Variants in CCSER2 observed in about 807,000 individuals in gnomAD.
CCSER2 encodes the protein serine-rich coiled-coil domain-containing protein 2.
Under a neutral mutation model 92.3 loss-of-function variants are expected in CCSER2, and 46 were observed. The ratio of observed to expected loss-of-function variants is 0.50; its 90% CI spans 0.39 to 0.64. CCSER2 has a LOEUF of 0.64. Among genes scored for constraint, CCSER2 ranks in the 30% least tolerant of loss-of-function variants. CCSER2 has a pLI of 0.00. For synonymous variants in CCSER2, 433 were observed against 431.4 expected (o/e 1.00, Z -0.04); for missense variants, 1,244 against 1,238.9 (o/e 1.00, Z -0.06).
At chr10:84,395,503 C>G (rs995458310) in intron 3 of CCSER2, among the ~76,000 whole-genome samples, 2 of 152,040 alleles carry the variant, frequency 1.3e-5, no homozygotes, top group Non-Finnish European at 2.9e-5. Flanking sequence ...TTTATTGTCC[C>G]GTGGTGATTA....
chr10:84,483,684 A>G (rs1403153629), intron 9 of CCSER2, among the ~76,000 whole-genome samples: 1 of 151,768 alleles, frequency 6.6e-6, no homozygotes, highest in African/African-American at 2.4e-5. Context: ...CTTATGAATA[A>G]TCTCCCCCAA....
At chr10:84,474,737 A>G (rs907879489) in intron 8 of CCSER2, among the ~76,000 whole-genome samples, 9 of 152,048 alleles carry the variant, frequency 5.9e-5, no homozygotes, top group Admixed American at 2.6e-4. Context: ...ATAGAACTAC[A>G]TAGTAAACTA....
intron 3 of CCSER2, among the ~76,000 whole-genome samples, chr10:84,405,958 A>C (rs6585857): frequency 2.0e-5 from 3 of 152,124 alleles, no homozygotes; most frequent in African/African-American, 7.3e-5. Context: ...TTACCATAGA[A>C]AAATGAGAGC....
chr10:84,377,435 G>A (rs998187084), intron 3 of CCSER2, among the ~76,000 whole-genome samples: 12 of 152,084 alleles, frequency 7.9e-5, no homozygotes, highest in Non-Finnish European at 7.4e-5. Context: ...GTACTTCAGG[G>A]TCATCTTTGT....
chr10:84,416,986 C>CT (rs1298732065), intron 3 of CCSER2, among the ~76,000 whole-genome samples: 14 of 152,236 alleles, frequency 9.2e-5, no homozygotes, highest in African/African-American at 3.4e-4. Context: ...GTTTGTTGGA[C>CT]TTTTGATCTT....
intron 3 of CCSER2, among the ~76,000 whole-genome samples, chr10:84,378,646 G>T (rs973435270): frequency 6.6e-6 from 1 of 152,052 alleles, no homozygotes; most frequent in Admixed American, 6.5e-5. Flanking sequence ...TGTTGGCCAG[G>T]CTGGTCTCGA....
At chr10:84,337,933 A>G (rs1035034842) in intron 1 of CCSER2, among the ~76,000 whole-genome samples, 3 of 152,312 alleles carry the variant, frequency 2.0e-5, no homozygotes, top group Middle Eastern at 3.4e-3. Context: ...GTGAACACTG[A>G]GTAGTTACCC....
chr10:84,356,745 C>T (rs1845194741), intron 1 of CCSER2, among the ~76,000 whole-genome samples: 1 of 152,102 alleles, frequency 6.6e-6, no homozygotes, highest in Admixed American at 6.5e-5. Flanking sequence ...GCATTAGTAC[C>T]TGTTTTACTT....
rs765789843 is a variant in CCSER2, at chr10:84,372,326, A to G, written c.1274A>G (p.Asn425Ser). The G allele has an allele frequency of 1.6e-5, 25 of 1,612,360 alleles. No homozygotes were observed. The highest frequency in any genetic ancestry group is 1.3e-4 in the East Asian group (6 of 44,856). Residue 425 changes from asparagine to serine, a missense_variant, in exon 2 of 10, where the codon AAC becomes AGC. Coordinates refer to ENST00000372088, the MANE Select transcript of CCSER2 (RefSeq NM_001284240.2). ...GATTTTATAGATATAGAAGACTCCA[A>G]CAGAACTAGAATAACTCCAGAGGAA... is the stretch of plus-strand genomic sequence containing the variant. ...SDDFIDIEDS[N>S]RTRITPEEMS...
At chr10:84,465,310 A>G (rs1442667382) in intron 7 of CCSER2, among the ~76,000 whole-genome samples, 1 of 133,766 alleles carries the variant, frequency 7.5e-6, no homozygotes, top group Non-Finnish European at 1.6e-5. Flanking sequence ...TTTTACATGT[A>G]AAGATTTTTT....
intron 3 of CCSER2, among the ~76,000 whole-genome samples, chr10:84,417,568 A>T (rs1164922406): frequency 6.6e-6 from 1 of 152,226 alleles, no homozygotes; most frequent in African/African-American, 2.4e-5. Context: ...ACTAGGAGGA[A>T]GACTAGGAGA....
intron 5 of CCSER2, among the ~76,000 whole-genome samples, chr10:84,431,944 T>C (rs1312762839): frequency 6.6e-6 from 1 of 152,176 alleles, no homozygotes; most frequent in Non-Finnish European, 1.5e-5. Context: ...CTGGGTCATA[T>C]GGGAAGCATA....
chr10:84,414,537 T>C (rs758772114), intron 3 of CCSER2, among the ~76,000 whole-genome samples: 57 of 152,310 alleles, frequency 3.7e-4, no homozygotes, highest in Middle Eastern at 3.4e-3. Context: ...TGATTGGCTT[T>C]CCTTTGTAGA....
chr10:84,368,477 T>C (rs1845899572), intron 1 of CCSER2, among the ~76,000 whole-genome samples: 1 of 152,094 alleles, frequency 6.6e-6, no homozygotes, highest in African/African-American at 2.4e-5. Flanking sequence ...TACTTGAACA[T>C]TTGTACGATT....
At chr10:84,365,106 T>C (rs1845713020) in intron 1 of CCSER2, among the ~76,000 whole-genome samples, 1 of 152,152 alleles carries the variant, frequency 6.6e-6, no homozygotes, top group African/African-American at 2.4e-5. Context: ...AAAATTATTC[T>C]TGCAGAAACT....
intron 1 of CCSER2, among the ~76,000 whole-genome samples, chr10:84,342,448 G>A (rs1309438014): frequency 6.6e-6 from 1 of 152,088 alleles, no homozygotes; most frequent in Admixed American, 6.5e-5. Flanking sequence ...TGTCATTCCA[G>A]TTCCTCATGT....
intron 5 of CCSER2, among the ~76,000 whole-genome samples, chr10:84,432,462 G>A (rs1589648288): frequency 6.6e-6 from 1 of 152,256 alleles, no homozygotes; most frequent in East Asian, 1.9e-4. Flanking sequence ...ATGTCTGTGA[G>A]TACAATGTTT....
chr10:84,391,141 C>T, intron 3 of CCSER2: 1 of 785,700 alleles, frequency 1.3e-6, no homozygotes. Flanking sequence ...GGATCTCTTC[C>T]CTTTACCTGA....
chr10:84,383,398 C>T (rs1167747935), intron 3 of CCSER2, among the ~76,000 whole-genome samples: 1 of 151,376 alleles, frequency 6.6e-6, no homozygotes, highest in Admixed American at 6.6e-5. Context: ...GCAAACTCCA[C>T]CTCCTGAGTT....
Sources: gnomAD v4.1 joint callset for allele counts (sites outside exome capture counted in the v4.1 genomes callset) on GRCh38, gnomAD v4.1.1 for gene constraint, MANE v1.5 for transcripts, NCBI Gene and HGNC (gene_info 2026-07-23, HGNC 2026-07-21) for gene names.